The following A2M variants were observed in gnomAD, a reference collection of about 807,000 sequenced individuals.
A2M encodes C3 and PZP-like alpha-2-macroglobulin domain-containing protein 5.
Under a neutral mutation model 183.9 loss-of-function variants are expected in A2M, and 128 were observed. That is an observed-to-expected ratio of 0.70 (90% confidence interval 0.60 to 0.81). The LOEUF (loss-of-function observed/expected upper bound fraction) is 0.81. Among genes scored for constraint, A2M ranks in the 30% least tolerant of loss-of-function variants. The pLI, the probability that A2M is intolerant of heterozygous loss-of-function variation, is 0.00. For synonymous variants in A2M, 592 were observed against 670.8 expected (o/e 0.88, Z 1.81); for missense variants, 1,495 against 1,787.6 (o/e 0.84, Z 2.95).
At chr12:9,083,737 A>G (rs748625529) in intron 22 of A2M, among the ~76,000 whole-genome samples, 1 of 147,452 alleles carries the variant, frequency 6.8e-6, no homozygotes, top group African/African-American at 2.5e-5. Context: ...ATAATGAAAA[A>G]AAAGAGTATA....
chr12:9,077,265 A>G (rs1339962796), intron 27 of A2M, 81 bp downstream of exon 27: 2 of 1,275,900 alleles, frequency 1.6e-6, no homozygotes, highest in Non-Finnish European at 2.2e-6. Flanking sequence ...TGCTTTTAAT[A>G]GGATAGTATT....
At chr12:9,085,288 A>G (rs985530435) in intron 22 of A2M, among the ~76,000 whole-genome samples, 2 of 152,120 alleles carry the variant, frequency 1.3e-5, no homozygotes, top group East Asian at 1.9e-4. Context: ...AAGAAGACTG[A>G]AATCGTTTCA....
chr12:9,109,457 A>T (rs1207816963), intron 6 of A2M, 52 bp from the exon 7 acceptor site: 92 of 1,425,910 alleles, frequency 6.5e-5, no homozygotes, highest in Non-Finnish European at 8.8e-5. Context: ...CTTTGGGGGA[A>T]TTCCTATTTT....
At chr12:9,074,207 G>A (rs1416865447) in intron 29 of A2M, among the ~76,000 whole-genome samples, 1 of 152,088 alleles carries the variant, frequency 6.6e-6, no homozygotes, top group East Asian at 1.9e-4. Flanking sequence ...TGGATTTTGA[G>A]TAGAGTTCCT....
chr12:9,083,388 A>T (rs1948965410), intron 22 of A2M, among the ~76,000 whole-genome samples: 1 of 150,706 alleles, frequency 6.6e-6, no homozygotes, highest in Non-Finnish European at 1.5e-5. Flanking sequence ...TTAAAGTATA[A>T]AAAAAAAAGA....
rs370396020 is a variant in A2M, at chr12:9,104,233, A to G, written c.1266+6T>C. 6.2e-7 allele frequency: 1 copy of G among 1,605,554 alleles called. No homozygotes were observed. Among genetic ancestry groups the G allele is most frequent in the Admixed American group, 1.7e-5 (1 of 58,514 alleles). ...CATGTCATTGGTAATTTCTTTCCAA[A>G]CTTACCCTAACAGTAAGAGAGGTAC... On this transcript the variant is annotated splice_donor_region_variant and intron_variant, in intron 11 of 35. Transcript: ENST00000318602.
intron 13 of A2M, among the ~76,000 whole-genome samples, chr12:9,100,875 A>G (rs1937779982): frequency 6.6e-6 from 1 of 152,268 alleles, no homozygotes; most frequent in African/African-American, 2.4e-5. Flanking sequence ...CATAAGAATG[A>G]TACAATGGAC....
At position 9,098,748 on chromosome 12, in the gene A2M, C is replaced by T. The variant is rs756795231; in HGVS notation, c.1710G>A (p.Leu570=). 1 of 1,612,614 alleles carries T rather than the reference C, an allele frequency of 6.2e-7. No homozygotes were observed. Among genetic ancestry groups the T allele is most frequent in the Non-Finnish European group, 8.5e-7 (1 of 1,179,638 alleles). The change falls in exon 15 of 36, where the codon TTG becomes TTA. Residue 570 remains leucine, a synonymous_variant. Transcript: ENST00000318602. ...GGAGACTTTGTGATGGGCTGAAGCT[C>T]AAATCCACCTGTGAAATTGGAACAA... ...VENCLANKVD[L]SFSPSQSLPA...
chr12:9,068,615 G>T, intron 34 of A2M, 125 bp downstream of exon 34: 1 of 799,098 alleles, frequency 1.3e-6, no homozygotes, highest in Non-Finnish European at 2.1e-6. Context: ...CATCAGACTT[G>T]ATGGAGACAA....
At chr12:9,100,364 A>C (rs1350817282) in intron 13 of A2M, among the ~76,000 whole-genome samples, 1 of 152,208 alleles carries the variant, frequency 6.6e-6, no homozygotes, top group Non-Finnish European at 1.5e-5. Context: ...TGGTTTAAAA[A>C]TCTGGAATAA....
chr12:9,080,237 A>T, intron 22 of A2M, 60 bp from the exon 23 acceptor site: 1 of 1,205,158 alleles, frequency 8.3e-7, no homozygotes, highest in Non-Finnish European at 1.2e-6. Flanking sequence ...CTTTCTAAAC[A>T]GCTCTATGAC....
At chr12:9,077,902 G>A (rs772630868) in intron 25 of A2M, 45 bp from the exon 26 acceptor site, 1 of 1,612,660 alleles carries the variant, frequency 6.2e-7, no homozygotes, top group Non-Finnish European at 8.5e-7. Context: ...TGTCAAAATG[G>A]TTTTATAACC....
In A2M at chr12:9,079,314, T is replaced by TAG; in HGVS notation, c.3048_3049insCT (p.Asn1017LeufsTer31). The TAG allele has an allele frequency of 6.2e-7, 1 of 1,613,726 alleles. No individual in the cohort carries two copies. ...TAGGAGCCATCATAGTGTTTGTAGT[T>TAG]CAACTGTCTCTGGTAACCTGGAAAG... On this transcript the variant is annotated frameshift_variant, in exon 25 of 36. Transcript: ENST00000318602. LOFTEE classifies it high-confidence loss of function.
At position 9,095,800 on chromosome 12, in the gene A2M, C is replaced by T. The variant is rs226404; in HGVS notation, c.1852-100G>A. Reference sequence around the variant, plus strand: ...CGGAGTCTCGCTCTGTCGCCCAGGCCGGACCGCGGACTGCAGTGGCGCAAT... The same window carrying T: ...CGGAGTCTCGCTCTGTCGCCCAGGCTGGACCGCGGACTGCAGTGGCGCAAT... On this transcript the variant is annotated intron_variant, in intron 15 of 35. Coordinates refer to ENST00000318602, the MANE Select transcript of A2M (RefSeq NM_000014.6). 4.0e-3 allele frequency: 4,041 copies of T among 1,015,614 alleles called. 144 individuals carry two copies. In the African/African-American group the frequency reaches 0.067, roughly 17 times the overall value. The allele number at this position is 1,015,614 out of a possible 1,614,324, so 62.9% of individuals were successfully genotyped here.
chr12:9,085,178 G>GACCT (rs1296392564), intron 22 of A2M, among the ~76,000 whole-genome samples: 2 of 151,934 alleles, frequency 1.3e-5, no homozygotes, highest in African/African-American at 2.4e-5. Context: ...AGATCAAATA[G>GACCT]ACCTAATGGA....
At chr12:9,069,722 A>C (rs1356287350) in intron 33 of A2M, 23 bp downstream of exon 33, 1 of 1,598,206 alleles carries the variant, frequency 6.3e-7, no homozygotes, top group Non-Finnish European at 8.5e-7. Context: ...GTTTTTTTGC[A>C]AATAGACTGG....
intron 12 of A2M, 91 bp from the exon 13 acceptor site, chr12:9,101,298 C>T (rs226397): frequency 0.95 from 1,325,930 of 1,400,358 alleles, 628,466 homozygotes; most frequent in South Asian, 0.97. Flanking sequence ...GAGTCCCTGC[C>T]GGCAATAATT....
intron 17 of A2M, 88 bp from the exon 18 acceptor site, chr12:9,093,667 CA>C: frequency 1.5e-6 from 1 of 677,006 alleles, no homozygotes; most frequent in Non-Finnish European, 2.3e-6. Context: ...AAAAAAAAAA[CA>C]AAAAACAAAT....
chr12:9,069,862 T>C (rs1366524284), intron 32 of A2M, 49 bp from the exon 33 acceptor site: 1 of 1,552,196 alleles, frequency 6.4e-7, no homozygotes, highest in African/African-American at 1.4e-5. Context: ...ATGAAACCCC[T>C]GGGGGATCCA....
Sources: allele counts gnomAD v4.1 joint callset (sites outside exome capture counted in the v4.1 genomes callset), GRCh38; gene constraint gnomAD v4.1.1; transcripts MANE v1.5; gene names NCBI Gene and HGNC (gene_info 2026-07-23, HGNC 2026-07-21).